IL1RAPL1: variants seen among roughly 807,000 people sequenced by gnomAD.
The protein encoded by IL1RAPL1 is interleukin-1 receptor accessory protein-like 1.
Under a neutral mutation model 48.4 loss-of-function variants are expected in IL1RAPL1, and 3 were observed. The observed-to-expected ratio is 0.06, with a 90% CI of 0.03 to 0.16. The LOEUF (loss-of-function observed/expected upper bound fraction) is 0.16, where lower values mean the gene tolerates loss of function less well. Among genes scored for constraint, IL1RAPL1 ranks in the 10% least tolerant of loss-of-function variants. IL1RAPL1 has a pLI of 1.00. For synonymous variants in IL1RAPL1, 185 were observed against 187.7 expected, an observed-to-expected ratio of 0.99 and a Z score of 0.12; for missense variants, 349 against 530.6, an observed-to-expected ratio of 0.66 and a Z score of 3.36.
intron 1 of IL1RAPL1, among the ~76,000 whole-genome samples, chrX:28,766,682 G>A (rs754212377): frequency 4.6e-5 from 5 of 109,277 alleles, no homozygotes; most frequent in African/African-American, 1.3e-4. Context: ...CTCTCCTCCC[G>A]CATCCCCCAT....
At chrX:28,600,618 G>A (rs1376344048) in intron 1 of IL1RAPL1, among the ~76,000 whole-genome samples, 1 of 110,707 alleles carries the variant, frequency 9.0e-6, no homozygotes, top group Non-Finnish European at 1.9e-5. Flanking sequence ...AGGCTACAGA[G>A]GAATATTGAA....
chrX:29,434,976 C>CCAAAAA (rs1934465862), intron 5 of IL1RAPL1, among the ~76,000 whole-genome samples: 1 of 111,076 alleles, frequency 9.0e-6, no homozygotes, highest in Middle Eastern at 4.2e-3. Context: ...TCTGCCTCTT[C>CCAAAAA]TACCTCCTGC....
At chrX:29,667,522 A>G (rs1926030801) in intron 5 of IL1RAPL1, among the ~76,000 whole-genome samples, 1 of 112,165 alleles carries the variant, frequency 8.9e-6, no homozygotes, top group African/African-American at 3.2e-5. Context: ...CAGAGTAGAA[A>G]TTTCGGTGAC....
At position 29,399,837 on chromosome X, in the gene IL1RAPL1, G is replaced by T. The variant is rs201846707; in HGVS notation, c.703+529G>T. ...GAAGTCTCAGAAAAAAAAAAAAAAA[G>T]AAATGTTAGCTTTTGAAAGTACTTG... On this transcript the variant is annotated intron_variant, in intron 5 of 10. Transcript: ENST00000378993. 3.9e-4 allele frequency among the ~76,000 whole-genome samples: 40 copies of T among 103,733 alleles called. 1 individual carries two copies. Among genetic ancestry groups the T allele is most frequent in the Admixed American group, 3.1e-3 (29 of 9,479 alleles). 90.1% of individuals were successfully genotyped at this position (103,733 alleles called of 115,157 possible).
chrX:29,685,269 G>A (rs1409386899), intron 6 of IL1RAPL1, among the ~76,000 whole-genome samples: 2 of 111,790 alleles, frequency 1.8e-5, no homozygotes, highest in Non-Finnish European at 3.8e-5. Flanking sequence ...TTGGGAGGCC[G>A]AGGTGGGCAG....
At chrX:29,911,412 C>T (rs911897377) in intron 6 of IL1RAPL1, among the ~76,000 whole-genome samples, 2 of 111,535 alleles carry the variant, frequency 1.8e-5, no homozygotes, top group Non-Finnish European at 3.8e-5. Context: ...TCTGATTGTA[C>T]AATTCTGTGC....
At chrX:29,725,661 C>G (rs998513236) in intron 6 of IL1RAPL1, among the ~76,000 whole-genome samples, 2 of 111,897 alleles carry the variant, frequency 1.8e-5, no homozygotes, top group Non-Finnish European at 3.8e-5. Context: ...GCAGGTCCAC[C>G]ACAAACCCCT....
chrX:29,922,872 C>T (rs1251030592), intron 8 of IL1RAPL1, among the ~76,000 whole-genome samples: 2 of 111,978 alleles, frequency 1.8e-5, no homozygotes, highest in East Asian at 5.6e-4. Flanking sequence ...AATTCCTTAA[C>T]TTATAAGCCT....
chrX:29,204,858 C>A (rs1303587237), intron 2 of IL1RAPL1, among the ~76,000 whole-genome samples: 1 of 111,393 alleles, frequency 9.0e-6, no homozygotes, highest in African/African-American at 3.3e-5. Flanking sequence ...GTTCCTAGGC[C>A]CTTGAGAAAT....
At chrX:29,811,322 C>A (rs906539533) in intron 6 of IL1RAPL1, among the ~76,000 whole-genome samples, 3 of 110,772 alleles carry the variant, frequency 2.7e-5, no homozygotes, top group Non-Finnish European at 3.8e-5. Flanking sequence ...AGTAGGCTAT[C>A]TGCAAGCTGA....
intron 1 of IL1RAPL1, among the ~76,000 whole-genome samples, chrX:28,724,650 G>T: frequency 9.0e-6 from 1 of 110,958 alleles, no homozygotes; most frequent in East Asian, 2.9e-4. Flanking sequence ...GATGTTATCT[G>T]GTTATTTTGC....
intron 5 of IL1RAPL1, among the ~76,000 whole-genome samples, chrX:29,583,838 T>C (rs770887139): frequency 9.9e-5 from 11 of 111,510 alleles, no homozygotes; most frequent in South Asian, 3.7e-4. Flanking sequence ...AAAGGATACA[T>C]TGGGCATCAG....
At chrX:29,947,568 A>G (rs1426938385) in intron 9 of IL1RAPL1, among the ~76,000 whole-genome samples, 1 of 111,420 alleles carries the variant, frequency 9.0e-6, no homozygotes, top group Admixed American at 9.5e-5. Context: ...CATCTGTTCC[A>G]TTTCAGGCAT....
At chrX:29,077,390 G>A (rs991936234) in intron 2 of IL1RAPL1, among the ~76,000 whole-genome samples, 26 of 110,796 alleles carry the variant, frequency 2.3e-4, no homozygotes, top group African/African-American at 8.2e-4. Flanking sequence ...AGATCATGAG[G>A]TCAGGAGTTC....
At chrX:29,820,018 ATCT>A (rs1402384711) in intron 6 of IL1RAPL1, among the ~76,000 whole-genome samples, 3 of 106,689 alleles carry the variant, frequency 2.8e-5, no homozygotes, top group Non-Finnish European at 5.8e-5. Context: ...TTTTCATTTT[ATCT>A]TCTAACAGCT....
chrX:28,885,488 C>A (rs775651160), intron 2 of IL1RAPL1, among the ~76,000 whole-genome samples: 1 of 111,257 alleles, frequency 9.0e-6, no homozygotes, highest in African/African-American at 3.3e-5. Flanking sequence ...ATTTGAAATT[C>A]CTACTCTCAA....
At chrX:29,429,999 A>G (rs1182776810) in intron 5 of IL1RAPL1, among the ~76,000 whole-genome samples, 2 of 105,536 alleles carry the variant, frequency 1.9e-5, no homozygotes, top group Non-Finnish European at 3.9e-5. Flanking sequence ...TTCTGGCCTC[A>G]AGCAGTCCTC....
At chrX:28,678,618 C>A (rs1935025822) in intron 1 of IL1RAPL1, among the ~76,000 whole-genome samples, 1 of 111,236 alleles carries the variant, frequency 9.0e-6, no homozygotes, top group Admixed American at 9.6e-5. Context: ...AGGAAAGTTT[C>A]TTTTTTCTAA....
At chrX:29,713,614 G>T (rs1176477532) in intron 6 of IL1RAPL1, among the ~76,000 whole-genome samples, 2 of 111,211 alleles carry the variant, frequency 1.8e-5, no homozygotes, top group Non-Finnish European at 3.8e-5. Context: ...AGCAAGGTGT[G>T]GTTTAACAAG....
Sources: allele counts gnomAD v4.1 joint callset (sites outside exome capture counted in the v4.1 genomes callset), GRCh38; gene constraint gnomAD v4.1.1; transcripts MANE v1.5; gene names NCBI Gene and HGNC (gene_info 2026-07-23, HGNC 2026-07-21).